ATG14: variants seen among roughly 807,000 people sequenced by gnomAD.
ATG14 encodes the protein beclin 1-associated autophagy-related key regulator.
A neutral mutation model predicts 60.4 loss-of-function variants in ATG14; 35 were observed. The observed-to-expected ratio is 0.58, with a 90% CI of 0.44 to 0.77. The LOEUF (loss-of-function observed/expected upper bound fraction) is 0.77, where lower values mean the gene tolerates loss of function less well. ATG14 is among the 30% of genes least tolerant of loss of function. The probability of loss-of-function intolerance (pLI) is 0.00; values close to 1 mark genes in which losing one functional copy is unlikely to be tolerated. For missense variants in ATG14, 647 were observed against 626.3 expected (o/e 1.03, Z -0.35); for synonymous variants, 234 against 228.8 (o/e 1.02, Z -0.21).
intron 1 of ATG14, among the ~76,000 whole-genome samples, chr14:55,406,969 T>C (rs1376336911): frequency 1.3e-5 from 2 of 151,778 alleles, no homozygotes; most frequent in Non-Finnish European, 2.9e-5. Flanking sequence ...ATTGTCTTTT[T>C]TTTTTTTTTT....
At chr14:55,401,518 T>TA (rs1187745115) in intron 1 of ATG14, among the ~76,000 whole-genome samples, 1 of 152,178 alleles carries the variant, frequency 6.6e-6, no homozygotes, top group Non-Finnish European at 1.5e-5. Flanking sequence ...CTCTCCCAAT[T>TA]AAAAAAGTCT....
chr14:55,386,690 G>A (rs937855440), intron 4 of ATG14, among the ~76,000 whole-genome samples: 6 of 152,164 alleles, frequency 3.9e-5, no homozygotes, highest in Admixed American at 6.6e-5. Flanking sequence ...AGTGCTGCAA[G>A]GGAAACAAAA....
intron 9 of ATG14, among the ~76,000 whole-genome samples, chr14:55,375,825 C>T (rs771860763): frequency 3.9e-5 from 6 of 152,162 alleles, no homozygotes; most frequent in Non-Finnish European, 7.3e-5. Context: ...TAGTAGGCAT[C>T]CTTGATTGTT....
chr14:55,399,932 C>G (rs1885371073), intron 1 of ATG14, among the ~76,000 whole-genome samples: 1 of 152,200 alleles, frequency 6.6e-6, no homozygotes, highest in African/African-American at 2.4e-5. Context: ...AAGAAACAAA[C>G]TCTTACAAAT....
intron 4 of ATG14, among the ~76,000 whole-genome samples, chr14:55,390,557 G>C (rs566848576): frequency 6.6e-6 from 1 of 152,106 alleles, no homozygotes; most frequent in East Asian, 1.9e-4. Flanking sequence ...GTATTTAGTA[G>C]AGACGGAGTT....
intron 7 of ATG14, among the ~76,000 whole-genome samples, chr14:55,380,013 G>A (rs748920609): frequency 2.0e-5 from 3 of 152,300 alleles, no homozygotes; most frequent in South Asian, 4.1e-4. Flanking sequence ...TTGGGAGACC[G>A]AGGCAGGTGA....
In ATG14 at chr14:55,377,863, C is replaced by G; in HGVS notation, c.1128G>C (p.Arg376Ser). Residue 376 changes from arginine (R) to serine (S), a missense_variant, in exon 9 of 10, where the codon AGG becomes AGC. Coordinates refer to ENST00000247178, the MANE Select transcript of ATG14 (RefSeq NM_014924.5). ...TTGGACTGACCAGGTACATTAGATT[C>G]CTGAGGGTATGCAGTGGTTGTAATT... ...LDQLQPLHTL[R>S]NLMYLVSPSS... The G allele has an allele frequency of 6.2e-7, 1 of 1,604,178 alleles. No individual in the cohort carries two copies. Among genetic ancestry groups the G allele is most frequent in the Non-Finnish European group, 8.5e-7 (1 of 1,177,218 alleles).
chr14:55,408,865 C>A (rs1885529069), intron 1 of ATG14, among the ~76,000 whole-genome samples: 1 of 152,188 alleles, frequency 6.6e-6, no homozygotes, highest in Admixed American at 6.5e-5. Flanking sequence ...TTAAACTCAA[C>A]CTTAGAGTCT....
At position 55,369,532 on chromosome 14, in the gene ATG14, TCTTAA is replaced by T. The variant is rs1342431632; in HGVS notation, c.*82_*86del. ...TTTAACCTCTTTGTTCCAGACACTA[TCTTAA>T]CTTAAACAGAAAATGTTTACTAGAG... On this transcript the variant is annotated 3_prime_UTR_variant, in exon 10 of 10. Transcript: ENST00000247178. 107 of 1,258,508 alleles carry T rather than the reference TCTTAA, an allele frequency of 8.5e-5. No homozygotes were observed. Among genetic ancestry groups the T allele is most frequent in the Middle Eastern group, 2.9e-4 (1 of 3,426 alleles). 78.0% of individuals were successfully genotyped at this position (1,258,508 alleles called of 1,614,324 possible).
chr14:55,410,584 A>G (rs1438747465), intron 1 of ATG14, among the ~76,000 whole-genome samples: 1 of 152,238 alleles, frequency 6.6e-6, no homozygotes, highest in Non-Finnish European at 1.5e-5. Flanking sequence ...CAGAAATACT[A>G]AGAACTCAAA....
chr14:55,367,047 C>CAACA lies in ATG14; in HGVS notation c.*2568_*2571dup, dbSNP rs760745927. On this transcript the variant is annotated 3_prime_UTR_variant, in exon 10 of 10. Transcript: ENST00000247178. ...AAGTGCCTCTAGTTGATATTAACAA[C>CAACA]AACAAACAAAATATATCCTATCCAT... 1 of 152,634 alleles carries CAACA rather than the reference C, an allele frequency of 6.6e-6. No homozygotes were observed. Among genetic ancestry groups the CAACA allele is most frequent in the Non-Finnish European group, 1.5e-5 (1 of 68,030 alleles). The allele number at this position is 152,634 out of a possible 1,614,324, so 9.5% of individuals were successfully genotyped here.
intron 9 of ATG14, 130 bp from the exon 10 acceptor site, chr14:55,370,055 A>G (rs10136596): frequency 0.42 from 324,769 of 772,688 alleles, 69,317 homozygotes; most frequent in South Asian, 0.44. Flanking sequence ...CCCCAAGTCT[A>G]TGCAGCACTC....
Position 55,368,373 on chromosome 14 carries a change from C to G in ATG14, c.*1246G>C, listed in dbSNP as rs1884732424. The G allele has an allele frequency of 6.6e-6, 1 of 152,270 alleles. No homozygotes were observed. Among genetic ancestry groups the G allele is most frequent in the African/African-American group, 2.4e-5 (1 of 41,428 alleles). 9.4% of individuals were successfully genotyped at this position (152,270 alleles called of 1,614,324 possible). On this transcript the variant is annotated 3_prime_UTR_variant, in exon 10 of 10. Coordinates refer to ENST00000247178, the MANE Select transcript of ATG14 (RefSeq NM_014924.5). The stretch of plus-strand genomic sequence containing the variant: ...TAGCTGGGATTACAGGCGTGCGCCA[C>G]CACACCCGGTAATTTTTTGTATTTT...
intron 9 of ATG14, among the ~76,000 whole-genome samples, chr14:55,370,963 T>A (rs986832491): frequency 4.6e-5 from 7 of 151,956 alleles, no homozygotes; most frequent in African/African-American, 1.4e-4. Flanking sequence ...CTTTTTCCCC[T>A]CCCTTTCAAA....
chr14:55,376,647 C>T (rs901875032), intron 9 of ATG14, among the ~76,000 whole-genome samples: 1 of 152,128 alleles, frequency 6.6e-6, no homozygotes. Context: ...GCCAGGCACA[C>T]GTGTTAGTGG....
At position 55,390,921 on chromosome 14, in the gene ATG14, T is replaced by C. The variant is rs1346054177; in HGVS notation, c.399A>G (p.Glu133=). Residue 133 remains glutamate, a synonymous_variant, in exon 4 of 10, where the codon GAA becomes GAG. Coordinates refer to ENST00000247178, the MANE Select transcript of ATG14 (RefSeq NM_014924.5). ...ACACGAATTACTTACTTTTCTCCAT[T>C]TCTTCATTTCCTTTACATATTGTTT... ...LKQTICKGNE[E]MEKNSEGLLK... 2 of 1,595,036 alleles carry C rather than the reference T, an allele frequency of 1.3e-6. No individual in the cohort carries two copies. Among genetic ancestry groups the C allele is most frequent in the Non-Finnish European group, 1.7e-6 (2 of 1,166,778 alleles).
intron 6 of ATG14, among the ~76,000 whole-genome samples, 185 bp from the exon 7 acceptor site, chr14:55,380,875 A>ATATATATATATTTT: frequency 8.9e-6 from 1 of 112,704 alleles, no homozygotes; most frequent in African/African-American, 3.8e-5. Context: ...ATATATATAT[A>ATATATATATATTTT]TTTTTTTTTT....
chr14:55,395,487 G>A (rs1452526567), intron 3 of ATG14, among the ~76,000 whole-genome samples: 1 of 152,134 alleles, frequency 6.6e-6, no homozygotes, highest in Non-Finnish European at 1.5e-5. Flanking sequence ...CAAGTAGCTG[G>A]GATTACAGGC....
Position 55,369,913 on chromosome 14 carries a change from A to T in ATG14, c.1185T>A (p.Phe395Leu). The change falls in exon 10 of 10, where the codon TTT becomes TTA. Residue 395 changes from phenylalanine to leucine, a missense_variant. Coordinates refer to ENST00000247178, the MANE Select transcript of ATG14 (RefSeq NM_014924.5). ...SSEHLGRSGP[F>L]EVRADLEESM... is the part of the protein sequence containing the mutation. ...ACTCCTCAAGGTCTGCTCGTACTTC[A>T]AAGGGCCCTGACCTGTGTGCAGACA... The T allele has an allele frequency of 6.2e-7, 1 of 1,610,754 alleles. No individual in the cohort carries two copies. The highest frequency in any genetic ancestry group is 8.5e-7 in the Non-Finnish European group (1 of 1,177,866).
Sources: allele counts gnomAD v4.1 joint callset (sites outside exome capture counted in the v4.1 genomes callset), GRCh38; gene constraint gnomAD v4.1.1; transcripts MANE v1.5; gene names NCBI Gene and HGNC (gene_info 2026-07-23, HGNC 2026-07-21).